Variants in PNPT1 observed in about 807,000 individuals in gnomAD.
The protein encoded by PNPT1 is polyribonucleotide nucleotidyltransferase 1, mitochondrial.
Under a neutral mutation model 119.5 loss-of-function variants are expected in PNPT1, and 53 were observed. The ratio of observed to expected loss-of-function variants is 0.44; its 90% CI spans 0.36 to 0.56. PNPT1 has a LOEUF of 0.56. PNPT1 is among the 20% of genes least tolerant of loss of function. The pLI, the probability that PNPT1 is intolerant of heterozygous loss-of-function variation, is 0.00. For missense variants in PNPT1, 948 were observed against 938.5 expected (o/e 1.01, Z -0.13); for synonymous variants, 357 against 322.1 (o/e 1.11, Z -1.16).
intron 18 of PNPT1, among the ~76,000 whole-genome samples, chr2:55,650,659 G>A (rs888006126): frequency 1.3e-5 from 2 of 150,732 alleles, no homozygotes; most frequent in Non-Finnish European, 3.0e-5. Context: ...CTGAGATGTG[G>A]GGAGCACCTC....
At chr2:55,691,611 G>GC (rs1339937005) in intron 1 of PNPT1, among the ~76,000 whole-genome samples, 1 of 152,074 alleles carries the variant, frequency 6.6e-6, no homozygotes, top group Non-Finnish European at 1.5e-5. Context: ...GGCAGCAGCT[G>GC]CATCTTGTTT....
intron 26 of PNPT1, among the ~76,000 whole-genome samples, chr2:55,638,472 C>G (rs1388782469): frequency 6.6e-6 from 1 of 152,032 alleles, no homozygotes; most frequent in African/African-American, 2.4e-5. Flanking sequence ...CGTGAAGAAA[C>G]CCCATCTCTA....
At chr2:55,684,764 A>T (rs566358677) in intron 4 of PNPT1, among the ~76,000 whole-genome samples, 179 bp downstream of exon 4, 6 of 152,232 alleles carry the variant, frequency 3.9e-5, no homozygotes, top group Non-Finnish European at 8.8e-5. Context: ...TGAAGAAATA[A>T]AAGTTTTTTC....
At chr2:55,667,185 T>C (rs1482863015) in intron 12 of PNPT1, 92 bp from the exon 13 acceptor site, 2 of 873,648 alleles carry the variant, frequency 2.3e-6, no homozygotes, top group South Asian at 1.4e-5. Context: ...TCAACCTCAG[T>C]TGTGTATCAT....
At chr2:55,642,422 A>T (rs536732235) in intron 25 of PNPT1, among the ~76,000 whole-genome samples, 2 of 151,220 alleles carry the variant, frequency 1.3e-5, no homozygotes, top group Non-Finnish European at 3.0e-5. Flanking sequence ...CTGGCTAACA[A>T]GGTAAAACCC....
At chr2:55,664,466 A>C (rs1369212686) in intron 13 of PNPT1, among the ~76,000 whole-genome samples, 2 of 152,198 alleles carry the variant, frequency 1.3e-5, no homozygotes, top group Non-Finnish European at 2.9e-5. Context: ...TATAAATAAA[A>C]AGTTGTGAGA....
intron 1 of PNPT1, among the ~76,000 whole-genome samples, chr2:55,688,340 C>G (rs1368769859): frequency 1.3e-5 from 2 of 152,064 alleles, no homozygotes; most frequent in East Asian, 3.9e-4. Flanking sequence ...GTGCCTGGCT[C>G]CATTTACCAT....
intron 12 of PNPT1, among the ~76,000 whole-genome samples, chr2:55,667,571 G>C (rs1371406561): frequency 6.8e-6 from 1 of 146,360 alleles, no homozygotes; most frequent in Non-Finnish European, 1.5e-5. Context: ...GGGTGACAGA[G>C]CGAGACTCTG....
At chr2:55,676,973 T>G (rs892817265) in intron 8 of PNPT1, among the ~76,000 whole-genome samples, 1 of 152,198 alleles carries the variant, frequency 6.6e-6, no homozygotes, top group Non-Finnish European at 1.5e-5. Flanking sequence ...GATGGTGGTA[T>G]TTCACTTGGA....
intron 18 of PNPT1, among the ~76,000 whole-genome samples, chr2:55,652,590 C>G (rs184832960): frequency 1.3e-4 from 20 of 152,272 alleles, no homozygotes; most frequent in African/African-American, 4.8e-4. Flanking sequence ...ATTCTCTGAC[C>G]TGTTGATCAG....
intron 18 of PNPT1, among the ~76,000 whole-genome samples, chr2:55,654,686 A>C (rs1460500297): frequency 6.6e-6 from 1 of 152,202 alleles, no homozygotes; most frequent in Non-Finnish European, 1.5e-5. Context: ...TAAAACCCAA[A>C]TTTAAAGAAA....
At chr2:55,676,292 G>C (rs972844766) in intron 8 of PNPT1, among the ~76,000 whole-genome samples, 18 of 140,788 alleles carry the variant, frequency 1.3e-4, no homozygotes, top group African/African-American at 1.9e-4. Context: ...AAAGAAGATT[G>C]CTATAAACTG....
intron 1 of PNPT1, among the ~76,000 whole-genome samples, chr2:55,692,026 C>G (rs1031800083): frequency 5.3e-5 from 8 of 151,414 alleles, no homozygotes; most frequent in African/African-American, 1.9e-4. Context: ...AATGGAATTA[C>G]AGGTGCTTGC....
chr2:55,677,962 C>T (rs1440212456), intron 8 of PNPT1, among the ~76,000 whole-genome samples: 1 of 152,046 alleles, frequency 6.6e-6, no homozygotes, highest in African/African-American at 2.4e-5. Context: ...AGGATGGTCT[C>T]GATCTCCTGA....
rs1410454293 is a variant in PNPT1, at chr2:55,644,638, T to C, written c.1905A>G (p.Thr635=). 1.2e-6 allele frequency: 2 copies of C among 1,602,382 alleles called. No homozygotes were observed. Among genetic ancestry groups the C allele is most frequent in the East Asian group, 2.2e-5 (1 of 44,734 alleles). Residue 635 remains threonine, a splice_region_variant and synonymous_variant, in exon 23 of 28, where the codon ACA becomes ACG. Coordinates refer to ENST00000447944, the MANE Select transcript of PNPT1 (RefSeq NM_033109.5). ...CCCCAAACTTCATACAACTCTTACC[T>C]GTTTCAGCCTGAAGTTTTTTTAAGT... ...GYNLKKLQAE[T]GVTISQVDEE...
At chr2:55,685,073 C>T in intron 3 of PNPT1, 25 bp from the exon 4 acceptor site, 1 of 1,532,468 alleles carries the variant, frequency 6.5e-7, no homozygotes, top group Non-Finnish European at 8.8e-7. Context: ...AAAAAAAGTT[C>T]ATATAATTCT....
intron 1 of PNPT1, among the ~76,000 whole-genome samples, chr2:55,689,423 T>C (rs909257155): frequency 6.6e-6 from 1 of 152,264 alleles, no homozygotes; most frequent in Non-Finnish European, 1.5e-5. Context: ...CCTTGTAGCA[T>C]TATTCATAAT....
Position 55,643,354 on chromosome 2 carries a change from C to A in PNPT1, c.1978G>T (p.Ala660Ser), listed in dbSNP as rs771717475. ...FAPTPSAMHE[A>S]RDFITEICKD... ...CAGATTTCAGTAATGAAGTCTCTTGCCTCATGCATAGCACTGGGTGTTGGT... is the reference window on the plus strand; with the variant it reads ...CAGATTTCAGTAATGAAGTCTCTTGACTCATGCATAGCACTGGGTGTTGGT... Residue 660 changes from alanine (A) to serine (S), a missense_variant, in exon 24 of 28, where the codon GCA becomes TCA. By Grantham distance (99) the Ala-to-Ser change is moderately conservative (BLOSUM62 1). Transcript: ENST00000447944. 2 of 1,614,176 alleles carry A rather than the reference C, an allele frequency of 1.2e-6. No homozygotes were observed. The highest frequency in any genetic ancestry group is 4.5e-5 in the East Asian group (2 of 44,888).
chr2:55,664,952 C>G (rs1388591345), intron 13 of PNPT1, among the ~76,000 whole-genome samples: 1 of 151,924 alleles, frequency 6.6e-6, no homozygotes, highest in African/African-American at 2.4e-5. Flanking sequence ...ATTTTGAGAA[C>G]TTGATATAAT....
Sources: allele counts gnomAD v4.1 joint callset (sites outside exome capture counted in the v4.1 genomes callset), GRCh38; gene constraint gnomAD v4.1.1; transcripts MANE v1.5; gene names NCBI Gene and HGNC (gene_info 2026-07-23, HGNC 2026-07-21).